The following FRMD7 variants were observed in gnomAD, a reference collection of about 807,000 sequenced individuals.
The protein encoded by FRMD7 is FERM domain containing 7, also known as FERM domain-containing protein 7.
A neutral mutation model predicts 44.1 loss-of-function variants in FRMD7; 14 were observed. The ratio of observed to expected loss-of-function variants is 0.32; its 90% CI spans 0.21 to 0.50. The LOEUF is 0.50. Among genes scored for constraint, FRMD7 ranks in the 20% least tolerant of loss-of-function variants. The pLI, the probability that FRMD7 is intolerant of heterozygous loss-of-function variation, is 0.99. For missense variants in FRMD7, 501 were observed against 522.3 expected, an observed-to-expected ratio of 0.96 and a Z score of 0.40; for synonymous variants, 212 against 187.4, an observed-to-expected ratio of 1.13 and a Z score of -1.07.
At chrX:132,099,182 T>C (rs1928427450) in intron 3 of FRMD7, among the ~76,000 whole-genome samples, 1 of 111,987 alleles carries the variant, frequency 8.9e-6, no homozygotes, top group African/African-American at 3.2e-5. Flanking sequence ...CTCGAAGATT[T>C]GCAGTGCCAG....
intron 5 of FRMD7, among the ~76,000 whole-genome samples, chrX:132,087,824 C>A (rs1732426160): frequency 9.0e-6 from 1 of 111,129 alleles, no homozygotes; most frequent in Non-Finnish European, 1.9e-5. Flanking sequence ...AACCTGAATT[C>A]AGCAGCATAT....
intron 1 of FRMD7, among the ~76,000 whole-genome samples, chrX:132,117,623 A>C (rs1486976387): frequency 2.7e-5 from 3 of 111,999 alleles, no homozygotes; most frequent in African/African-American, 9.7e-5. Context: ...AGAAGAAATA[A>C]GGTACTCCTA....
At chrX:132,107,247 G>A (rs1928669457) in intron 1 of FRMD7, among the ~76,000 whole-genome samples, 1 of 111,788 alleles carries the variant, frequency 8.9e-6, no homozygotes, top group South Asian at 3.7e-4. Flanking sequence ...AAAGCATAGT[G>A]TCATACAAAA....
intron 9 of FRMD7, among the ~76,000 whole-genome samples, chrX:132,081,033 C>CA (rs67195744): frequency 5.4e-4 from 59 of 109,042 alleles, no homozygotes; most frequent in African/African-American, 1.4e-3. Context: ...ACATAAAAAT[C>CA]AAAAAAAATC....
At position 132,096,865 on chromosome X, in the gene FRMD7, T is replaced by C. The variant is rs745733984; in HGVS notation, c.284+401A>G. Reference sequence around the variant, plus strand: ...AAGTATTTATCATCATTACAGATTATTTTGTCTTCTGTGAGATACATTCAC... The same window carrying C: ...AAGTATTTATCATCATTACAGATTACTTTGTCTTCTGTGAGATACATTCAC... On this transcript the variant is annotated intron_variant, in intron 4 of 11. Coordinates refer to ENST00000298542, the MANE Select transcript of FRMD7 (RefSeq NM_194277.3). Among the ~76,000 whole-genome samples the C allele has an allele frequency of 6.9e-4, 77 of 111,982 alleles. No homozygotes were observed. In the Admixed American group the frequency reaches 7.2e-3, roughly 11 times the overall value.
intron 1 of FRMD7, among the ~76,000 whole-genome samples, chrX:132,115,970 TAGTC>T (rs1171620455): frequency 9.0e-6 from 1 of 111,173 alleles, no homozygotes; most frequent in Non-Finnish European, 1.9e-5. Flanking sequence ...CCATTTCGAA[TAGTC>T]AGTGAGGGCA....
rs996068028 is a variant in FRMD7, at chrX:132,077,706, G to A, written c.*166C>T. On this transcript the variant is annotated 3_prime_UTR_variant, in exon 12 of 12. Transcript: ENST00000298542. The stretch of plus-strand genomic sequence containing the variant: ...GAGGTAATGGAAGAGTGAAACTCAA[G>A]GAATGAGGCAACAGCTGGATCTTTC... The A allele has an allele frequency of 7.2e-6, 5 of 695,706 alleles. No individual in the cohort carries two copies. The highest frequency in any genetic ancestry group is 3.5e-5 in the East Asian group (1 of 28,173). The allele number at this position is 695,706 out of a possible 1,213,427, so 57.3% of individuals were successfully genotyped here. A position where few individuals can be genotyped will look rare whatever the true frequency, so the allele number is the denominator to read the frequency against.
chrX:132,101,599 C>T (rs139820962), intron 1 of FRMD7, among the ~76,000 whole-genome samples: 1,951 of 112,328 alleles, frequency 0.017, 19 homozygotes, highest in Non-Finnish European at 0.026. Flanking sequence ...TAGTACTGGG[C>T]TCCTGAATGT....
chrX:132,113,996 C>T (rs1219209559), intron 1 of FRMD7, among the ~76,000 whole-genome samples: 1 of 100,980 alleles, frequency 9.9e-6, no homozygotes, highest in African/African-American at 3.7e-5. Context: ...TATCTTTTCT[C>T]ACCTTTGGAC....
chrX:132,085,474 GT>G (rs1927952403), intron 7 of FRMD7, 106 bp downstream of exon 7: 1 of 659,881 alleles, frequency 1.5e-6, no homozygotes. Context: ...TTTCTGGCTG[GT>G]GATAATACTG....
At position 132,113,960 on chromosome X, in the gene FRMD7, C is replaced by T. The variant is rs766652900; in HGVS notation, c.58-13244G>A. On this transcript the variant is annotated intron_variant, in intron 1 of 11. Coordinates refer to ENST00000298542, the MANE Select transcript of FRMD7 (RefSeq NM_194277.3). Reference sequence around the variant, plus strand: ...AACCCCCCACTACTCTTCCTAGCCTCTGGTAACCATGTTACCTGACTTTAT... The same window carrying T: ...AACCCCCCACTACTCTTCCTAGCCTTTGGTAACCATGTTACCTGACTTTAT... 6.6e-3 allele frequency among the ~76,000 whole-genome samples: 594 copies of T among 90,611 alleles called. 3 individuals carry two copies. Among genetic ancestry groups the T allele is most frequent in the African/African-American group, 0.023 (569 of 24,618 alleles). 78.7% of individuals were successfully genotyped at this position (90,611 alleles called of 115,157 possible). A position where few individuals can be genotyped will look rare whatever the true frequency, so the allele number is the denominator to read the frequency against.
At chrX:132,119,890 G>C (rs1202479866) in intron 1 of FRMD7, among the ~76,000 whole-genome samples, 1 of 111,349 alleles carries the variant, frequency 9.0e-6, no homozygotes, top group Non-Finnish European at 1.9e-5. Context: ...GTTAAGGGTG[G>C]TTCTCTCAGC....
At chrX:132,079,513 A>G (rs1278740497) in intron 11 of FRMD7, among the ~76,000 whole-genome samples, 1 of 111,988 alleles carries the variant, frequency 8.9e-6, no homozygotes, top group Non-Finnish European at 1.9e-5. Flanking sequence ...TTTTTTAGGG[A>G]GAGTAAAAGA....
intron 4 of FRMD7, among the ~76,000 whole-genome samples, 156 bp downstream of exon 4, chrX:132,097,110 C>A (rs1185414430): frequency 3.6e-5 from 4 of 111,156 alleles, no homozygotes; most frequent in Non-Finnish European, 7.5e-5. Context: ...CCTGGGGAAC[C>A]AGCTAGGCCC....
chrX:132,082,353 G>T lies in FRMD7; in HGVS notation c.905+10C>A. Reference sequence around the variant, plus strand: ...TGTGAGCAGTTTGCCTATGTGCATTGTTTAATTACCTATAGCGGAAACTGG... The same window carrying T: ...TGTGAGCAGTTTGCCTATGTGCATTTTTTAATTACCTATAGCGGAAACTGG... On this transcript the variant is annotated intron_variant, in intron 9 of 11. Transcript: ENST00000298542. 8.3e-7 allele frequency: 1 copy of T among 1,203,553 alleles called. No individual in the cohort carries two copies. Among genetic ancestry groups the T allele is most frequent in the Middle Eastern group, 2.4e-4 (1 of 4,191 alleles).
chrX:132,088,663 A>G (rs1198341784), intron 5 of FRMD7, among the ~76,000 whole-genome samples: 1 of 112,082 alleles, frequency 8.9e-6, no homozygotes, highest in South Asian at 3.7e-4. Context: ...ATAGAAGATC[A>G]ATATATAAAA....
At chrX:132,099,054 T>A (rs1320928240) in intron 3 of FRMD7, among the ~76,000 whole-genome samples, 1 of 111,724 alleles carries the variant, frequency 9.0e-6, no homozygotes, top group Non-Finnish European at 1.9e-5. Flanking sequence ...AGAAAATATT[T>A]CATACATATT....
At chrX:132,117,479 T>C (rs1218711277) in intron 1 of FRMD7, among the ~76,000 whole-genome samples, 1 of 112,574 alleles carries the variant, frequency 8.9e-6, no homozygotes, top group Non-Finnish European at 1.9e-5. Context: ...TTACCTCACA[T>C]ACTTATCATT....
chrX:132,127,711 C>G (rs1299772845), intron 1 of FRMD7, 77 bp downstream of exon 1: 1 of 786,808 alleles, frequency 1.3e-6, no homozygotes, highest in Admixed American at 2.2e-5. Flanking sequence ...CATAACATTG[C>G]TCTCTAATGG....
Sources: gnomAD v4.1 joint callset for allele counts (sites outside exome capture counted in the v4.1 genomes callset) on GRCh38, gnomAD v4.1.1 for gene constraint, MANE v1.5 for transcripts, NCBI Gene and HGNC (gene_info 2026-07-23, HGNC 2026-07-21) for gene names.